Variants in MIA2 observed in about 807,000 individuals in gnomAD.
The protein encoded by MIA2 is MIA SH3 domain ER export factor 2, also known as melanoma inhibitory activity protein 2.
In MIA2, 127 loss-of-function variants were observed where a neutral mutation model predicts 167.8. That is an observed-to-expected ratio of 0.76 (90% confidence interval 0.66 to 0.88). The LOEUF is 0.88. Among genes scored for constraint, MIA2 ranks in the 40% least tolerant of loss-of-function variants. The pLI is 0.00. For synonymous variants in MIA2, 552 were observed against 541.9 expected (o/e 1.02, Z -0.26); for missense variants, 1,690 against 1,624.7 (o/e 1.04, Z -0.69).
At chr14:39,295,635 C>G (rs566119963) in intron 13 of MIA2, among the ~76,000 whole-genome samples, 1 of 152,240 alleles carries the variant, frequency 6.6e-6, no homozygotes, top group Non-Finnish European at 1.5e-5. Flanking sequence ...TCTCGGCTCA[C>G]TGCGACCTCT....
chr14:39,267,144 G>A, intron 6 of MIA2: 1 of 1,157,154 alleles, frequency 8.6e-7, no homozygotes, highest in Non-Finnish European at 1.1e-6. Flanking sequence ...CCTTCTCGCG[G>A]CTGCCCGGCC....
chr14:39,261,455 T>C (rs964924796), intron 6 of MIA2, among the ~76,000 whole-genome samples: 5 of 152,198 alleles, frequency 3.3e-5, no homozygotes, highest in African/African-American at 9.7e-5. Flanking sequence ...AACATACGTG[T>C]GCAGGTGCCT....
intron 24 of MIA2, among the ~76,000 whole-genome samples, chr14:39,325,818 ATTC>A (rs2067428467): frequency 1.3e-5 from 2 of 151,554 alleles, no homozygotes; most frequent in African/African-American, 4.8e-5. Context: ...AGTTCAAGCC[ATTC>A]TTCTGCCTCA....
chr14:39,334,292 T>C (rs550552716), intron 25 of MIA2, among the ~76,000 whole-genome samples: 1 of 152,038 alleles, frequency 6.6e-6, no homozygotes, highest in Non-Finnish European at 1.5e-5. Flanking sequence ...CTGGCTAACA[T>C]GGCAAAACCC....
intron 12 of MIA2, 117 bp downstream of exon 12, chr14:39,294,188 G>GTA: frequency 1.6e-6 from 1 of 624,770 alleles, no homozygotes; most frequent in Non-Finnish European, 2.6e-6. Flanking sequence ...TCCCAGATAT[G>GTA]TATTTTTTTT....
chr14:39,278,915 C>T (rs1443259939), intron 7 of MIA2, among the ~76,000 whole-genome samples: 2 of 152,140 alleles, frequency 1.3e-5, no homozygotes, highest in African/African-American at 4.8e-5. Flanking sequence ...AATCCCAGCA[C>T]TTTGGGGGAC....
In MIA2 at chr14:39,315,699, A is replaced by G. The variant is rs1418044919; in HGVS notation, c.3197A>G (p.Lys1066Arg). 2 of 1,558,056 alleles carry G rather than the reference A, an allele frequency of 1.3e-6. No homozygotes were observed. The highest frequency in any genetic ancestry group is 1.8e-6 in the Non-Finnish European group (2 of 1,141,822). Residue 1066 changes from lysine (K) to arginine (R), a missense_variant, in exon 21 of 29, where the codon AAA (lysine) becomes AGA (arginine). Lys to Arg is a conservative substitution (Grantham distance 26). Transcript: ENST00000640607. ...CTTTTTCAGATTATTTCCCATGAGA[A>G]AAAAGCACATGATAATTGGGTAAGT... Reference protein sequence around the residue: ...SYQGQIISHEKKAHDNWLAAR... With the variant: ...SYQGQIISHERKAHDNWLAAR...
At chr14:39,274,424 T>C (rs971119196) in intron 6 of MIA2, among the ~76,000 whole-genome samples, 1 of 150,490 alleles carries the variant, frequency 6.6e-6, no homozygotes, top group African/African-American at 2.4e-5. Context: ...TCTTTTTTTC[T>C]TTTTTTCTTT....
At position 39,277,746 on chromosome 14, in the gene MIA2, G is replaced by A. The variant is rs1250586788; in HGVS notation, c.2019+681G>A. On this transcript the variant is annotated intron_variant, in intron 7 of 28. Transcript: ENST00000640607. ...TATATATATATATATATATATATGT[G>A]TGTATATATATATATATATATATAT... 1.0e-3 allele frequency among the ~76,000 whole-genome samples: 2 copies of A among 1,964 alleles called. 1 individual carries two copies. The highest frequency in any genetic ancestry group is 4.0e-3 in the African/African-American group (2 of 498). 1.3% of individuals were successfully genotyped at this position (1,964 alleles called of 152,430 possible).
chr14:39,326,584 C>A (rs1423387059), intron 24 of MIA2, among the ~76,000 whole-genome samples: 2 of 150,140 alleles, frequency 1.3e-5, no homozygotes, highest in Non-Finnish European at 1.5e-5. Context: ...GCAACAAAAT[C>A]ATTTATGCTT....
At chr14:39,261,748 G>T (rs983678035) in intron 6 of MIA2, among the ~76,000 whole-genome samples, 3 of 152,282 alleles carry the variant, frequency 2.0e-5, no homozygotes, top group African/African-American at 7.2e-5. Context: ...CAGTGATGAT[G>T]AGCATTTTTT....
chr14:39,323,500 A>G (rs1033689276), intron 24 of MIA2, among the ~76,000 whole-genome samples: 3 of 124,210 alleles, frequency 2.4e-5, no homozygotes, highest in African/African-American at 9.6e-5. Context: ...TGTATTTTGT[A>G]TCATGTCATA....
chr14:39,356,661 C>G (rs1166602837), intron 23 of MIA2, among the ~76,000 whole-genome samples: 6 of 152,120 alleles, frequency 3.9e-5, no homozygotes, highest in African/African-American at 2.4e-5. Context: ...AATTTTAGAA[C>G]TTTTTCTGCT....
intron 9 of MIA2, among the ~76,000 whole-genome samples, chr14:39,285,000 G>C (rs1394226018): frequency 2.6e-5 from 4 of 152,162 alleles, no homozygotes; most frequent in African/African-American, 7.2e-5. Flanking sequence ...AGCACATCTT[G>C]CACCGCCCTT....
chr14:39,257,123 A>C (rs1339595007), intron 6 of MIA2, among the ~76,000 whole-genome samples: 1 of 152,130 alleles, frequency 6.6e-6, no homozygotes, highest in African/African-American at 2.4e-5. Context: ...AGCTGAGTTG[A>C]AGTCCTGAAT....
chr14:39,344,060 G>T (rs1398674012), intron 25 of MIA2, among the ~76,000 whole-genome samples: 1 of 152,126 alleles, frequency 6.6e-6, no homozygotes, highest in African/African-American at 2.4e-5. Context: ...AAGGACATGG[G>T]GTTTATCAAG....
intron 15 of MIA2, among the ~76,000 whole-genome samples, chr14:39,302,946 T>G (rs1393941138): frequency 6.6e-6 from 1 of 152,136 alleles, no homozygotes; most frequent in Non-Finnish European, 1.5e-5. Context: ...CCTGCATAAT[T>G]AACAAATTTA....
At chr14:39,297,556 T>G (rs1315368212) in intron 13 of MIA2, among the ~76,000 whole-genome samples, 1 of 152,078 alleles carries the variant, frequency 6.6e-6, no homozygotes, top group African/African-American at 2.4e-5. Flanking sequence ...CAGTAGTCAG[T>G]TTCCTCTTAA....
At chr14:39,321,492 A>AT (rs1210963563) in intron 24 of MIA2, among the ~76,000 whole-genome samples, 1 of 150,726 alleles carries the variant, frequency 6.6e-6, no homozygotes, top group African/African-American at 2.4e-5. Flanking sequence ...TTTTTTTTGT[A>AT]TTTTTAGTAG....
Sources: gnomAD v4.1 joint callset for allele counts (sites outside exome capture counted in the v4.1 genomes callset) on GRCh38, gnomAD v4.1.1 for gene constraint, MANE v1.5 for transcripts, NCBI Gene and HGNC (gene_info 2026-07-23, HGNC 2026-07-21) for gene names.